Variants in PKN2 observed in about 807,000 individuals in gnomAD.
PKN2 encodes serine/threonine-protein kinase N2.
In PKN2, 38 loss-of-function variants were observed where a neutral mutation model predicts 119.1. The observed-to-expected ratio is 0.32, with a 90% CI of 0.25 to 0.42. PKN2 has a LOEUF of 0.42. Ranked by LOEUF, PKN2 falls within the 10% of genes least tolerant of loss-of-function variation. The probability of loss-of-function intolerance (pLI) is 1.00; values close to 1 mark genes in which losing one functional copy is unlikely to be tolerated. For synonymous variants in PKN2, 390 were observed against 384.9 expected, an observed-to-expected ratio of 1.01 and a Z score of -0.15; for missense variants, 850 against 1,165.1, an observed-to-expected ratio of 0.73 and a Z score of 3.94.
chr1:88,716,263 T>G (rs1201867693), intron 1 of PKN2, among the ~76,000 whole-genome samples: 3 of 152,216 alleles, frequency 2.0e-5, no homozygotes, highest in African/African-American at 4.8e-5. Flanking sequence ...GAAGAATGTA[T>G]ATTCTGTTGA....
At chr1:88,730,703 A>C (rs1312262485) in intron 1 of PKN2, among the ~76,000 whole-genome samples, 1 of 152,218 alleles carries the variant, frequency 6.6e-6, no homozygotes, top group Non-Finnish European at 1.5e-5. Context: ...GGATGCTATT[A>C]TGTAGGCACC....
intron 2 of PKN2, among the ~76,000 whole-genome samples, chr1:88,751,409 T>C (rs1221498661): frequency 6.7e-6 from 1 of 149,680 alleles, no homozygotes; most frequent in African/African-American, 2.5e-5. Flanking sequence ...CACACCTGAC[T>C]CTAACCTCTT....
In PKN2 at chr1:88,835,137, C is replaced by T. The variant is rs149526423; in HGVS notation, c.*1689C>T. 7.9e-5 allele frequency: 12 copies of T among 152,124 alleles called. No homozygotes were observed. The highest frequency in any genetic ancestry group is 2.9e-4 in the African/African-American group (12 of 41,502). 9.4% of individuals were successfully genotyped at this position (152,124 alleles called of 1,614,324 possible). On this transcript the variant is annotated 3_prime_UTR_variant, in exon 22 of 22. Coordinates refer to ENST00000370521, the MANE Select transcript of PKN2 (RefSeq NM_006256.4). ...TACTCTGAGAACAATTAAAATTGTC[C>T]AGAGATCATTTATATTACCTTCCAA...
chr1:88,817,892 G>C (rs970796695), intron 16 of PKN2, among the ~76,000 whole-genome samples: 1 of 152,104 alleles, frequency 6.6e-6, no homozygotes, highest in East Asian at 1.9e-4. Flanking sequence ...GCAAGAGAAA[G>C]AAAGAAAGTT....
intron 1 of PKN2, among the ~76,000 whole-genome samples, chr1:88,733,442 T>TG (rs1280992041): frequency 1.3e-5 from 2 of 152,266 alleles, no homozygotes; most frequent in East Asian, 3.8e-4. Context: ...TTAGTGATGT[T>TG]GAACATTTTT....
intron 8 of PKN2, among the ~76,000 whole-genome samples, chr1:88,801,771 C>G (rs559690250): frequency 5.3e-5 from 8 of 152,166 alleles, no homozygotes; most frequent in Admixed American, 5.2e-4. Flanking sequence ...GAAAGCGTGC[C>G]CCTCGCAAAT....
Position 88,804,870 on chromosome 1 carries a change from G to T in PKN2, c.1450G>T (p.Glu484Ter). ...AEVTFFNPVI[E>*]RRPKLQRQKK... ...GGTTACCTTTTTTAATCCAGTTATT[G>T]AAAGAAGACCAAAACTTCAAAGACA... The change falls in exon 10 of 22, where the codon GAA (glutamate) becomes TAA (stop). Residue 484 changes from glutamate (E) to a stop codon, truncating the protein, a stop_gained. Transcript: ENST00000370521. LOFTEE classifies it high-confidence loss of function. The T allele has an allele frequency of 6.3e-7, 1 of 1,578,532 alleles. No individual in the cohort carries two copies. Among genetic ancestry groups the T allele is most frequent in the South Asian group, 1.1e-5 (1 of 87,574 alleles).
At chr1:88,799,215 G>A (rs1671211085) in intron 8 of PKN2, among the ~76,000 whole-genome samples, 1 of 152,182 alleles carries the variant, frequency 6.6e-6, no homozygotes, top group Non-Finnish European at 1.5e-5. Context: ...AGCAGAGGCA[G>A]TAACCCACAT....
intron 1 of PKN2, among the ~76,000 whole-genome samples, chr1:88,686,838 T>A (rs1374986245): frequency 6.6e-6 from 1 of 152,140 alleles, no homozygotes; most frequent in African/African-American, 2.4e-5. Context: ...TTCACTTTTT[T>A]AAAAAGCTTC....
chr1:88,698,393 C>T (rs1666626851), intron 1 of PKN2, among the ~76,000 whole-genome samples: 2 of 151,320 alleles, frequency 1.3e-5, no homozygotes, highest in African/African-American at 4.9e-5. Flanking sequence ...ACAAGTTTTA[C>T]AGTAAACAAG....
At chr1:88,711,628 A>T (rs528516765) in intron 1 of PKN2, among the ~76,000 whole-genome samples, 12 of 152,188 alleles carry the variant, frequency 7.9e-5, no homozygotes, top group Non-Finnish European at 1.8e-4. Flanking sequence ...CTCAATTTGG[A>T]TATATAATGC....
At chr1:88,714,685 G>A (rs925915809) in intron 1 of PKN2, among the ~76,000 whole-genome samples, 5 of 152,016 alleles carry the variant, frequency 3.3e-5, no homozygotes, top group Non-Finnish European at 5.9e-5. Flanking sequence ...GAGACGATGG[G>A]GTTTTCTAAA....
At chr1:88,793,162 A>C (rs1361994279) in intron 8 of PKN2, among the ~76,000 whole-genome samples, 1 of 152,126 alleles carries the variant, frequency 6.6e-6, no homozygotes, top group African/African-American at 2.4e-5. Context: ...ATGTTTGTTT[A>C]TATTTCTCTT....
intron 19 of PKN2, 42 bp from the exon 20 acceptor site, chr1:88,832,702 C>T (rs779152923): frequency 2.5e-5 from 28 of 1,128,924 alleles, no homozygotes; most frequent in Non-Finnish European, 2.9e-5. Flanking sequence ...GATTTTACTG[C>T]CTTAAAACTT....
intron 1 of PKN2, among the ~76,000 whole-genome samples, chr1:88,725,788 C>T (rs561548276): frequency 1.3e-5 from 2 of 152,084 alleles, no homozygotes; most frequent in Non-Finnish European, 2.9e-5. Flanking sequence ...TGGTGTCCTA[C>T]GAACTCTTCA....
At chr1:88,794,894 G>GA (rs1239560550) in intron 8 of PKN2, among the ~76,000 whole-genome samples, 1 of 152,080 alleles carries the variant, frequency 6.6e-6, no homozygotes, top group Non-Finnish European at 1.5e-5. Flanking sequence ...ACCTGCTGTG[G>GA]AAACTCCCAA....
chr1:88,684,467 G>GTTTTTT lies in PKN2; in HGVS notation c.-106_-101dup. The GTTTTTT allele has an allele frequency of 3.1e-6, 2 of 655,040 alleles. No individual in the cohort carries two copies. Among genetic ancestry groups the GTTTTTT allele is most frequent in the Non-Finnish European group, 2.3e-6 (1 of 426,024 alleles). The allele number at this position is 655,040 out of a possible 1,614,324, so 40.6% of individuals were successfully genotyped here. A position where few individuals can be genotyped will look rare whatever the true frequency, so the allele number is the denominator to read the frequency against. On this transcript the variant is annotated 5_prime_UTR_variant, in exon 1 of 22. Transcript: ENST00000370521. ...GCTGCGCCTCCATGAATCCCTAGTT[G>GTTTTTT]TTTTTTTTTTTTTCTTTCTCTCCCC...
chr1:88,827,663 C>A (rs1351699486), intron 18 of PKN2, among the ~76,000 whole-genome samples: 1 of 140,604 alleles, frequency 7.1e-6, no homozygotes, highest in Non-Finnish European at 1.5e-5. Flanking sequence ...CCTCCCCTCC[C>A]GTCCCCTCCT....
intron 19 of PKN2, among the ~76,000 whole-genome samples, chr1:88,831,326 A>G (rs1198259709): frequency 6.6e-6 from 1 of 151,596 alleles, no homozygotes; most frequent in African/African-American, 2.4e-5. Flanking sequence ...TTTTCAAGTA[A>G]AAATTGTTCA....
Sources: gnomAD v4.1 joint callset for allele counts (sites outside exome capture counted in the v4.1 genomes callset) on GRCh38, gnomAD v4.1.1 for gene constraint, MANE v1.5 for transcripts, NCBI Gene and HGNC (gene_info 2026-07-23, HGNC 2026-07-21) for gene names.